Variants in PCDHA13 observed in about 807,000 individuals in gnomAD.
The protein encoded by PCDHA13 is protocadherin alpha 13.
PCDHA13 carries 54 observed loss-of-function variants against 64.8 expected under a neutral mutation model. The ratio of observed to expected loss-of-function variants is 0.83; its 90% CI spans 0.67 to 1.04. The LOEUF (loss-of-function observed/expected upper bound fraction) is 1.04. PCDHA13 is among the 50% of genes least tolerant of loss of function. PCDHA13 has a pLI of 0.00. For missense variants in PCDHA13, 1,248 were observed against 1,254.3 expected, an observed-to-expected ratio of 0.99 and a Z score of 0.08; for synonymous variants, 587 against 564.4, an observed-to-expected ratio of 1.04 and a Z score of -0.57.
At chr5:140,965,973 G>A (rs1234636252) in intron 1 of PCDHA13, among the ~76,000 whole-genome samples, 6 of 152,194 alleles carry the variant, frequency 3.9e-5, no homozygotes, top group African/African-American at 1.4e-4. Flanking sequence ...TGCCCTAGGA[G>A]TTGAGCACTT....
At position 140,914,532 on chromosome 5, in the gene PCDHA13, A is replaced by G. The variant is rs1440968686; in HGVS notation, c.2394+29870A>G. ...GTCATGTTTTTTCATCCATTCAGCC[A>G]CTTTATTTCTTTTTATTGGAGAGTT... On this transcript the variant is annotated intron_variant, in intron 1 of 3. Coordinates refer to ENST00000289272, the MANE Select transcript of PCDHA13 (RefSeq NM_018904.3). Among the ~76,000 whole-genome samples the G allele has an allele frequency of 3.3e-5, 5 of 152,070 alleles. 1 individual carries two copies. Among genetic ancestry groups the G allele is most frequent in the Admixed American group, 3.3e-4 (5 of 15,252 alleles).
At chr5:141,007,149 T>G (rs980574316) in intron 3 of PCDHA13, among the ~76,000 whole-genome samples, 12 of 152,084 alleles carry the variant, frequency 7.9e-5, no homozygotes, top group African/African-American at 2.9e-4. Context: ...CAAAGGAAAC[T>G]GTCAAAGAAC....
intron 3 of PCDHA13, among the ~76,000 whole-genome samples, chr5:140,985,991 A>G (rs575854221): frequency 2.7e-4 from 41 of 152,022 alleles, no homozygotes; most frequent in African/African-American, 9.2e-4. Context: ...CGCCCACCTC[A>G]GCCTCCCAAA....
chr5:140,965,648 GA>G (rs2095919572), intron 1 of PCDHA13, among the ~76,000 whole-genome samples: 1 of 152,128 alleles, frequency 6.6e-6, no homozygotes, highest in Non-Finnish European at 1.5e-5. Context: ...ACTCTTGAAA[GA>G]AAATGTCTTG....
chr5:140,910,924 A>G (rs568597600), intron 1 of PCDHA13, among the ~76,000 whole-genome samples: 2 of 152,260 alleles, frequency 1.3e-5, no homozygotes, highest in South Asian at 4.1e-4. Flanking sequence ...GCTTATATAA[A>G]TAAGAAAGCT....
rs1554262648 is a variant in PCDHA13, at chr5:141,010,047, A to G, written c.*110A>G. On this transcript the variant is annotated 3_prime_UTR_variant, in exon 4 of 4. Coordinates refer to ENST00000289272, the MANE Select transcript of PCDHA13 (RefSeq NM_018904.3). The stretch of plus-strand genomic sequence containing the variant: ...CCTATCTACATGAGCCCTCTTAGAG[A>G]CCTCAGAAATCTGCAGAAAGTTCCC... 1.9e-6 allele frequency: 3 copies of G among 1,595,144 alleles called. No homozygotes were observed. The highest frequency in any genetic ancestry group is 1.7e-6 in the Non-Finnish European group (2 of 1,171,458).
intron 1 of PCDHA13, among the ~76,000 whole-genome samples, chr5:140,919,297 G>C (rs1351756549): frequency 6.6e-6 from 1 of 152,120 alleles, no homozygotes; most frequent in African/African-American, 2.4e-5. Context: ...GTTGCTGTTT[G>C]TACAATATAT....
rs781874469 is a variant in PCDHA13 at position 140,967,699 on chromosome 5, T to A, written c.2395-11250T>A. On this transcript the variant is annotated intron_variant, in intron 1 of 3. Coordinates refer to ENST00000289272, the MANE Select transcript of PCDHA13 (RefSeq NM_018904.3). ...GGGAGAGGCAGCTCTTCAGCATAGA[T>A]GCCAGTACCGGGGAAGTGCGAGTAA... The A allele has an allele frequency of 1.2e-6, 2 of 1,614,154 alleles. No individual in the cohort carries two copies. Among genetic ancestry groups the A allele is most frequent in the Non-Finnish European group, 1.7e-6 (2 of 1,180,034 alleles).
intron 3 of PCDHA13, among the ~76,000 whole-genome samples, chr5:140,991,204 A>C (rs1416431011): frequency 6.6e-6 from 1 of 152,198 alleles, no homozygotes; most frequent in East Asian, 1.9e-4. Flanking sequence ...ATGCTCAATA[A>C]ATTTTGTTAA....
intron 1 of PCDHA13, among the ~76,000 whole-genome samples, chr5:140,917,167 ATGG>A (rs1237150759): frequency 6.6e-6 from 1 of 152,160 alleles, no homozygotes; most frequent in African/African-American, 2.4e-5. Flanking sequence ...GGGAGGGGTG[ATGG>A]TGGTGATCCC....
chr5:140,950,711 T>C (rs1173209854), intron 1 of PCDHA13, among the ~76,000 whole-genome samples: 2 of 152,094 alleles, frequency 1.3e-5, no homozygotes, highest in African/African-American at 4.8e-5. Flanking sequence ...TTTTTGTTCC[T>C]TATATCCTTA....
chr5:140,972,316 G>GTT (rs112435719), intron 1 of PCDHA13, among the ~76,000 whole-genome samples: 1 of 139,858 alleles, frequency 7.2e-6, no homozygotes, highest in Non-Finnish European at 1.6e-5. Flanking sequence ...GTTTTTAGGT[G>GTT]TTTTTTTTTT....
intron 1 of PCDHA13, among the ~76,000 whole-genome samples, chr5:140,926,209 T>C (rs553307318): frequency 1.8e-3 from 269 of 152,150 alleles, no homozygotes; most frequent in African/African-American, 6.3e-3. Flanking sequence ...GGGGGGCTCC[T>C]GTTTCCTTAA....
chr5:140,893,689 A>G (rs999117899), intron 1 of PCDHA13, among the ~76,000 whole-genome samples: 2 of 152,192 alleles, frequency 1.3e-5, no homozygotes, highest in Non-Finnish European at 2.9e-5. Context: ...ATATCATCTC[A>G]TTCTATCCTA....
intron 1 of PCDHA13, chr5:140,966,642 GA>G (rs1563353190): frequency 3.1e-5 from 35 of 1,117,790 alleles, no homozygotes; most frequent in Non-Finnish European, 4.1e-5. Context: ...GCGCTTTCTA[GA>G]GCGTGAGCGG....
intron 1 of PCDHA13, among the ~76,000 whole-genome samples, chr5:140,915,425 A>T (rs2077115235): frequency 6.6e-6 from 1 of 152,056 alleles, no homozygotes; most frequent in African/African-American, 2.4e-5. Flanking sequence ...GGGCTTGTTT[A>T]TCCCTGTCCT....
chr5:140,926,954 A>T, intron 1 of PCDHA13: 1 of 1,597,602 alleles, frequency 6.3e-7, no homozygotes, highest in Non-Finnish European at 8.6e-7. Flanking sequence ...GCAGCGGGAC[A>T]GCTCGAGTAC....
chr5:140,992,017 C>CTGTG (rs10602499), intron 3 of PCDHA13, among the ~76,000 whole-genome samples: 5,022 of 145,578 alleles, frequency 0.034, 175 homozygotes, highest in African/African-American at 0.093. Context: ...AGAGGTGGCT[C>CTGTG]TGTGTGTGTG....
intron 2 of PCDHA13, chr5:140,982,255 G>A (rs1226877967): frequency 1.6e-5 from 13 of 791,614 alleles, no homozygotes; most frequent in South Asian, 1.3e-4. Context: ...GATAGAACAT[G>A]TGTGTTCCTG....
Sources: allele counts gnomAD v4.1 joint callset (sites outside exome capture counted in the v4.1 genomes callset), GRCh38; gene constraint gnomAD v4.1.1; transcripts MANE v1.5; gene names NCBI Gene and HGNC (gene_info 2026-07-23, HGNC 2026-07-21).